SEMA6A: variants seen among roughly 807,000 people sequenced by gnomAD.
The protein encoded by SEMA6A is semaphorin 6A.
Under a neutral mutation model 96.8 loss-of-function variants are expected in SEMA6A, and 25 were observed. The observed-to-expected ratio is 0.26, with a 90% CI of 0.19 to 0.36. The LOEUF (loss-of-function observed/expected upper bound fraction) is 0.36. Ranked by LOEUF, SEMA6A falls within the 10% of genes least tolerant of loss-of-function variation. SEMA6A has a pLI of 1.00. For missense variants in SEMA6A, 1,363 were observed against 1,323.1 expected, an observed-to-expected ratio of 1.03 and a Z score of -0.47; for synonymous variants, 612 against 518.0, an observed-to-expected ratio of 1.18 and a Z score of -2.46.
chr5:116,513,686 G>C (rs755347780), intron 1 of SEMA6A, among the ~76,000 whole-genome samples: 4 of 151,002 alleles, frequency 2.6e-5, no homozygotes, highest in Non-Finnish European at 4.4e-5. Context: ...ATAGGTAAGC[G>C]TGTGTCATGG....
intron 11 of SEMA6A, among the ~76,000 whole-genome samples, chr5:116,480,540 A>T (rs1275335476): frequency 2.0e-5 from 3 of 152,064 alleles, no homozygotes; most frequent in African/African-American, 7.2e-5. Context: ...AGCACAAACA[A>T]ACCTCAGTAA....
intron 1 of SEMA6A, among the ~76,000 whole-genome samples, chr5:116,506,264 T>G (rs1319788089): frequency 2.0e-5 from 3 of 152,238 alleles, no homozygotes; most frequent in Non-Finnish European, 2.9e-5. Context: ...CACACACAGC[T>G]GGGTCTTAAT....
chr5:116,498,280 G>A (rs1331863991), intron 3 of SEMA6A, among the ~76,000 whole-genome samples: 1 of 152,054 alleles, frequency 6.6e-6, no homozygotes, highest in Non-Finnish European at 1.5e-5. Flanking sequence ...GAAGTCCTGG[G>A]GCTGAAAAAT....
intron 1 of SEMA6A, among the ~76,000 whole-genome samples, chr5:116,512,491 C>T (rs1035615994): frequency 5.9e-5 from 9 of 152,112 alleles, no homozygotes; most frequent in African/African-American, 1.7e-4. Context: ...TAATAAATAT[C>T]GACTGGGTGT....
At chr5:116,514,859 C>T (rs1222165131) in intron 1 of SEMA6A, among the ~76,000 whole-genome samples, 2 of 152,340 alleles carry the variant, frequency 1.3e-5, no homozygotes, top group East Asian at 3.9e-4. Flanking sequence ...CCTTGCATCA[C>T]CCCCAGGACC....
chr5:116,486,751 G>C lies in SEMA6A; in HGVS notation c.960C>G (p.Asn320Lys). 6.2e-7 allele frequency: 1 copy of C among 1,612,810 alleles called. No homozygotes were observed. Among genetic ancestry groups the C allele is most frequent in the East Asian group, 2.2e-5 (1 of 44,862 alleles). ...VVLATFSTPYNSIPGSAVCAY... is the reference protein window; with the variant it reads ...VVLATFSTPYKSIPGSAVCAY... ...CAACACAGCTAGGGCATGATTACCTGTTATAAGGTGTAGAAAACGTTGCCA... is the reference window on the plus strand; with the variant it reads ...CAACACAGCTAGGGCATGATTACCTCTTATAAGGTGTAGAAAACGTTGCCA... Residue 320 changes from asparagine (N) to lysine (K), a missense_variant and splice_region_variant, in exon 10 of 19, where the codon AAC becomes AAG. This residue lies in a region of SEMA6A where 480 missense variants were observed against 559.5 expected (regional missense o/e 0.86). Coordinates refer to ENST00000343348, the MANE Select transcript of SEMA6A (RefSeq NM_020796.5).
intron 1 of SEMA6A, among the ~76,000 whole-genome samples, chr5:116,557,683 T>G (rs1437994254): frequency 6.6e-6 from 1 of 152,246 alleles, no homozygotes; most frequent in Non-Finnish European, 1.5e-5. Flanking sequence ...GTGTGTTTTT[T>G]CCAGTGCTGT....
In SEMA6A at chr5:116,448,561, T is replaced by G. The variant is rs535898594; in HGVS notation, c.1895-750A>C. Among the ~76,000 whole-genome samples the G allele has an allele frequency of 2.6e-5, 4 of 152,170 alleles. No individual in the cohort carries two copies. In the South Asian group the frequency reaches 8.3e-4, roughly 32 times the overall value. On this transcript the variant is annotated intron_variant, in intron 18 of 18. Coordinates refer to ENST00000343348, the MANE Select transcript of SEMA6A (RefSeq NM_020796.5). ...ATTTTATGCATGTTAGACAAACAAA[T>G]CACACACTCTGGGCTTCCAGTTGGG...
chr5:116,447,001 T>C lies in SEMA6A; in HGVS notation c.2705A>G (p.Lys902Arg). The change falls in exon 19 of 19, where the codon AAG becomes AGG. Residue 902 changes from lysine (K) to arginine (R), a missense_variant. This residue lies in a region of SEMA6A where 883 missense variants were observed against 763.6 expected (regional missense o/e 1.16). Coordinates refer to ENST00000343348, the MANE Select transcript of SEMA6A (RefSeq NM_020796.5). ...AGAGGAGTGGTGCATTTCCAGCCGC[T>C]TGCTTAGACCGGTCTGAGACAGGGA... The part of the protein sequence containing the change: ...GASLSQTGLS[K>R]RLEMHHSSSY... 6.2e-7 allele frequency: 1 copy of C among 1,613,822 alleles called. No individual in the cohort carries two copies. The highest frequency in any genetic ancestry group is 1.3e-5 in the African/African-American group (1 of 74,996).
chr5:116,482,356 G>C (rs959234535), intron 11 of SEMA6A, 88 bp downstream of exon 11: 2 of 1,401,474 alleles, frequency 1.4e-6, no homozygotes, highest in African/African-American at 1.4e-5. Context: ...GAAGGCACTG[G>C]TGCGCAGTTC....
At chr5:116,559,385 G>C (rs1760725939) in intron 1 of SEMA6A, among the ~76,000 whole-genome samples, 2 of 152,198 alleles carry the variant, frequency 1.3e-5, no homozygotes, top group Non-Finnish European at 2.9e-5. Flanking sequence ...GGTACCCCCT[G>C]GAGATTGAGA....
chr5:116,491,350 G>A (rs1362549704), intron 7 of SEMA6A, among the ~76,000 whole-genome samples: 1 of 152,116 alleles, frequency 6.6e-6, no homozygotes, highest in African/African-American at 2.4e-5. Context: ...CTGTTGAGTT[G>A]TTGAACCTAG....
intron 18 of SEMA6A, among the ~76,000 whole-genome samples, chr5:116,451,182 G>T (rs1234900068): frequency 6.6e-6 from 1 of 152,150 alleles, no homozygotes; most frequent in Admixed American, 6.5e-5. Flanking sequence ...TTACTGGATT[G>T]TTACAAGAAT....
chr5:116,544,341 T>G (rs1354989504), intron 1 of SEMA6A, among the ~76,000 whole-genome samples: 2 of 151,918 alleles, frequency 1.3e-5, no homozygotes, highest in Admixed American at 1.3e-4. Flanking sequence ...TAGACTAGAG[T>G]GTAGTATAGC....
chr5:116,456,969 C>T (rs995554079), intron 18 of SEMA6A, among the ~76,000 whole-genome samples: 3 of 152,062 alleles, frequency 2.0e-5, no homozygotes, highest in Non-Finnish European at 4.4e-5. Flanking sequence ...TTTATATTCC[C>T]GGGGTGAAAA....
chr5:116,510,713 T>C (rs778783356), intron 1 of SEMA6A, among the ~76,000 whole-genome samples: 51 of 152,080 alleles, frequency 3.4e-4, no homozygotes, highest in Non-Finnish European at 6.5e-4. Context: ...TCCCTCCTTC[T>C]CTCTCCCCCA....
intron 18 of SEMA6A, among the ~76,000 whole-genome samples, chr5:116,455,244 G>A (rs905647153): frequency 3.3e-5 from 5 of 152,170 alleles, no homozygotes; most frequent in African/African-American, 1.2e-4. Context: ...GAGTGCTACA[G>A]CCAGAGCACG....
intron 1 of SEMA6A, among the ~76,000 whole-genome samples, chr5:116,552,315 G>A (rs1580508315): frequency 1.3e-5 from 2 of 152,204 alleles, no homozygotes; most frequent in East Asian, 1.9e-4. Flanking sequence ...TGGGTAAAGT[G>A]ATAAAACACA....
rs1391462339 is a variant in SEMA6A at position 116,445,683 on chromosome 5, C to G, written c.*930G>C. The G allele has an allele frequency of 6.6e-6, 1 of 152,634 alleles. No individual in the cohort carries two copies. Among genetic ancestry groups the G allele is most frequent in the Non-Finnish European group, 1.5e-5 (1 of 68,044 alleles). 9.5% of individuals were successfully genotyped at this position (152,634 alleles called of 1,614,324 possible). A position where few individuals can be genotyped will look rare whatever the true frequency, so the allele number is the denominator to read the frequency against. ...ATAGATTTAAATAAATATTCCCCTC[C>G]TAACTTTTTCCTTTAGCTACAGACC... On this transcript the variant is annotated 3_prime_UTR_variant, in exon 19 of 19. Coordinates refer to ENST00000343348, the MANE Select transcript of SEMA6A (RefSeq NM_020796.5).
Sources: allele counts gnomAD v4.1 joint callset (sites outside exome capture counted in the v4.1 genomes callset), GRCh38; gene constraint gnomAD v4.1.1; regional missense constraint gnomAD v4.1.1; transcripts MANE v1.5; gene names NCBI Gene and HGNC (gene_info 2026-07-23, HGNC 2026-07-21).